NCAM2: variants seen among roughly 807,000 people sequenced by gnomAD.
NCAM2 encodes the protein N-CAM-2.
NCAM2 carries 30 observed loss-of-function variants against 98.1 expected under a neutral mutation model. The observed-to-expected ratio is 0.31, with a 90% CI of 0.23 to 0.41. The LOEUF is 0.41. Among genes scored for constraint, NCAM2 ranks in the 10% least tolerant of loss-of-function variants. The pLI is 1.00. For synonymous variants in NCAM2, 368 were observed against 342.4 expected, an observed-to-expected ratio of 1.07 and a Z score of -0.83; for missense variants, 867 against 1,005.8, an observed-to-expected ratio of 0.86 and a Z score of 1.87.
At chr21:21,255,222 G>C (rs1258084185) in intron 1 of NCAM2, among the ~76,000 whole-genome samples, 1 of 152,118 alleles carries the variant, frequency 6.6e-6, no homozygotes, top group Non-Finnish European at 1.5e-5. Context: ...CCCCGAGTAC[G>C]TTGGAGTACA....
intron 1 of NCAM2, among the ~76,000 whole-genome samples, chr21:21,029,211 A>G (rs1055310373): frequency 6.6e-6 from 1 of 152,184 alleles, no homozygotes; most frequent in Non-Finnish European, 1.5e-5. Flanking sequence ...CTTCTGTTTG[A>G]CTTCCTACAT....
chr21:21,237,277 A>G (rs917526883), intron 1 of NCAM2, among the ~76,000 whole-genome samples: 4 of 152,096 alleles, frequency 2.6e-5, no homozygotes, highest in Non-Finnish European at 4.4e-5. Context: ...CTGTGGTTTC[A>G]ATTTTTTTAA....
chr21:21,520,453 G>C (rs1286755946), intron 16 of NCAM2, among the ~76,000 whole-genome samples: 1 of 152,098 alleles, frequency 6.6e-6, no homozygotes, highest in Non-Finnish European at 1.5e-5. Flanking sequence ...AGAGGGAATG[G>C]ACTGTGTAAA....
At chr21:21,503,105 A>G (rs1053923578) in intron 15 of NCAM2, among the ~76,000 whole-genome samples, 1 of 151,912 alleles carries the variant, frequency 6.6e-6, no homozygotes, top group Admixed American at 6.6e-5. Flanking sequence ...GAAAAGACGC[A>G]TACAATAGTC....
At chr21:21,163,292 GT>G (rs1292936580) in intron 1 of NCAM2, among the ~76,000 whole-genome samples, 1 of 152,088 alleles carries the variant, frequency 6.6e-6, no homozygotes, top group Non-Finnish European at 1.5e-5. Context: ...GCAGGTTGAG[GT>G]ACTTCAAAGG....
intron 8 of NCAM2, among the ~76,000 whole-genome samples, chr21:21,361,832 T>G (rs559228057): frequency 5.9e-5 from 9 of 152,286 alleles, no homozygotes; most frequent in African/African-American, 2.2e-4. Context: ...TGTCTTTTTC[T>G]GTTTAGGAAA....
chr21:21,160,313 T>A (rs894553583), intron 1 of NCAM2, among the ~76,000 whole-genome samples: 1 of 151,864 alleles, frequency 6.6e-6, no homozygotes, highest in African/African-American at 2.4e-5. Flanking sequence ...TAATTATCTA[T>A]ATACTTCTTT....
intron 1 of NCAM2, among the ~76,000 whole-genome samples, chr21:21,251,228 A>G (rs980024446): frequency 3.3e-5 from 5 of 152,198 alleles, no homozygotes; most frequent in African/African-American, 7.2e-5. Context: ...GTAGGTATAC[A>G]TGTGCCATGG....
At chr21:21,372,547 A>G (rs965659080) in intron 8 of NCAM2, among the ~76,000 whole-genome samples, 2 of 151,762 alleles carry the variant, frequency 1.3e-5, no homozygotes, top group African/African-American at 4.8e-5. Flanking sequence ...ATATAAATGA[A>G]TTTTCTTTCA....
chr21:21,443,260 A>C (rs1318018804), intron 12 of NCAM2, among the ~76,000 whole-genome samples: 1 of 152,036 alleles, frequency 6.6e-6, no homozygotes, highest in Admixed American at 6.6e-5. Flanking sequence ...GGAACATCAC[A>C]CACCGGGGAC....
chr21:21,500,622 G>A (rs1987565781), intron 15 of NCAM2, among the ~76,000 whole-genome samples: 2 of 151,704 alleles, frequency 1.3e-5, no homozygotes, highest in South Asian at 4.2e-4. Flanking sequence ...TAAATATTTT[G>A]GAATAATTTT....
intron 1 of NCAM2, among the ~76,000 whole-genome samples, chr21:21,181,601 A>G (rs77688316): frequency 6.6e-6 from 1 of 152,290 alleles, no homozygotes; most frequent in East Asian, 1.9e-4. Flanking sequence ...CTGCTCATCA[A>G]TTAGACCCTT....
intron 16 of NCAM2, among the ~76,000 whole-genome samples, chr21:21,530,331 AAT>A (rs1569142265): frequency 4.3e-5 from 1 of 23,090 alleles, no homozygotes; most frequent in African/African-American, 2.2e-4. Context: ...AATTAAATTA[AAT>A]TATACATAAT....
intron 1 of NCAM2, among the ~76,000 whole-genome samples, chr21:21,222,294 G>A (rs2070201890): frequency 6.6e-6 from 1 of 152,158 alleles, no homozygotes; most frequent in Non-Finnish European, 1.5e-5. Flanking sequence ...GGATCAAGCA[G>A]TAATCTCAAC....
At chr21:21,000,941 A>C (rs1314051568) in intron 1 of NCAM2, among the ~76,000 whole-genome samples, 1 of 152,114 alleles carries the variant, frequency 6.6e-6, no homozygotes, top group Non-Finnish European at 1.5e-5. Flanking sequence ...TTCTCTTGTA[A>C]AGAGGGCCAT....
chr21:21,213,497 A>G (rs1232633194), intron 1 of NCAM2, among the ~76,000 whole-genome samples: 1 of 152,188 alleles, frequency 6.6e-6, no homozygotes, highest in Non-Finnish European at 1.5e-5. Context: ...ATTCTGAGTC[A>G]TGCATACTTT....
intron 1 of NCAM2, among the ~76,000 whole-genome samples, chr21:21,265,429 G>GTA (rs1568857087): frequency 5.0e-5 from 3 of 59,498 alleles, no homozygotes; most frequent in Admixed American, 2.3e-4. Context: ...ATATATGTGT[G>GTA]TATATATATT....
chr21:21,229,747 T>C (rs9306012), intron 1 of NCAM2, among the ~76,000 whole-genome samples: 150,127 of 151,412 alleles, frequency 0.99, 74,442 homozygotes, highest in East Asian at 1. Flanking sequence ...TCAATAAGTA[T>C]TTAGTGAATC....
intron 5 of NCAM2, among the ~76,000 whole-genome samples, chr21:21,294,909 A>G (rs1439920881): frequency 6.6e-6 from 1 of 151,872 alleles, no homozygotes; most frequent in Non-Finnish European, 1.5e-5. Flanking sequence ...AATAATACCA[A>G]TAAAATAAAA....
Sources: allele counts gnomAD v4.1 joint callset (sites outside exome capture counted in the v4.1 genomes callset), GRCh38; gene constraint gnomAD v4.1.1; transcripts MANE v1.5; gene names NCBI Gene and HGNC (gene_info 2026-07-23, HGNC 2026-07-21).